CLNK: variants seen among roughly 807,000 people sequenced by gnomAD.
The protein encoded by CLNK is cytokine-dependent hematopoietic cell linker.
Under a neutral mutation model 68.6 loss-of-function variants are expected in CLNK, and 74 were observed. The observed-to-expected ratio is 1.08, with a 90% CI of 0.89 to 1.31. The LOEUF (loss-of-function observed/expected upper bound fraction) is 1.31. CLNK is among the 50% of genes most tolerant of loss of function. The pLI is 0.00. For missense variants in CLNK, 553 were observed against 515.3 expected, an observed-to-expected ratio of 1.07 and a Z score of -0.71; for synonymous variants, 198 against 172.2, an observed-to-expected ratio of 1.15 and a Z score of -1.17.
chr4:10,613,673 CT>C, intron 2 of CLNK, among the ~76,000 whole-genome samples: 1 of 152,274 alleles, frequency 6.6e-6, no homozygotes, highest in Non-Finnish European at 1.5e-5. Context: ...CAGAGAGACC[CT>C]TTGGGAAGCT....
intron 2 of CLNK, among the ~76,000 whole-genome samples, chr4:10,638,481 A>C (rs749408558): frequency 2.6e-5 from 4 of 152,224 alleles, no homozygotes; most frequent in Non-Finnish European, 4.4e-5. Flanking sequence ...AGGATTGAGG[A>C]GTCTAGGAAC....
the CLNK span, among the ~76,000 whole-genome samples, chr4:10,698,979 G>C: frequency 2.6e-5 from 4 of 152,062 alleles, no homozygotes; most frequent in Non-Finnish European, 5.9e-5. Flanking sequence ...TTCAGACTCA[G>C]ACTTAAAGTT....
chr4:10,612,441 A>T (rs931301400), intron 2 of CLNK, among the ~76,000 whole-genome samples: 26 of 152,308 alleles, frequency 1.7e-4, no homozygotes, highest in African/African-American at 5.3e-4. Context: ...CCTGTTGACA[A>T]CATTTCAGGT....
At chr4:10,577,326 T>C (rs1366244954) in intron 4 of CLNK, among the ~76,000 whole-genome samples, 1 of 152,144 alleles carries the variant, frequency 6.6e-6, no homozygotes, top group Non-Finnish European at 1.5e-5. Context: ...GACTTAAGAA[T>C]ATGTGTTGAA....
chr4:10,556,461 A>G (rs1464463984), intron 8 of CLNK, among the ~76,000 whole-genome samples: 1 of 152,232 alleles, frequency 6.6e-6, no homozygotes, highest in Non-Finnish European at 1.5e-5. Context: ...AAACATACAG[A>G]TAGAGAGGTA....
chr4:10,607,423 C>A (rs1478009260), intron 2 of CLNK, among the ~76,000 whole-genome samples: 1 of 152,178 alleles, frequency 6.6e-6, no homozygotes, highest in South Asian at 2.1e-4. Flanking sequence ...GAACGCATGC[C>A]TTGCTATCTT....
At chr4:10,692,879 T>C in the CLNK span, among the ~76,000 whole-genome samples, 1 of 152,248 alleles carries the variant, frequency 6.6e-6, no homozygotes, top group African/African-American at 2.4e-5. Context: ...TTAAACAGAC[T>C]TCCCAATTTA....
intron 2 of CLNK, among the ~76,000 whole-genome samples, chr4:10,653,684 A>G (rs1723844996): frequency 6.6e-6 from 1 of 152,194 alleles, no homozygotes; most frequent in African/African-American, 2.4e-5. Context: ...AGACAGAAGG[A>G]AATAATAAAA....
At position 10,557,984 on chromosome 4, in the gene CLNK, C is replaced by G. The variant is rs16869829; in HGVS notation, c.445+423G>C. Among the ~76,000 whole-genome samples, 913 of 152,242 alleles carry G rather than the reference C, an allele frequency of 6.0e-3. 18 individuals are homozygous for G. The highest frequency in any genetic ancestry group is 0.056 in the East Asian group (292 of 5,170). ...TGATTATTTGCTTTTAGGCTCGTACCTGTATTTTCGTCTTCAAATTGAGTT... is the reference window on the plus strand; with the variant it reads ...TGATTATTTGCTTTTAGGCTCGTACGTGTATTTTCGTCTTCAAATTGAGTT... On this transcript the variant is annotated intron_variant, in intron 8 of 18. Transcript: ENST00000226951.
chr4:10,726,863 G>T, the CLNK span, among the ~76,000 whole-genome samples: 3 of 152,146 alleles, frequency 2.0e-5, no homozygotes, highest in Admixed American at 2.0e-4. Flanking sequence ...TAGCAGGAAG[G>T]TTAGAGATCA....
chr4:10,492,709 G>A (rs1254616614), intron 18 of CLNK, among the ~76,000 whole-genome samples: 2 of 152,184 alleles, frequency 1.3e-5, no homozygotes, highest in South Asian at 4.1e-4. Context: ...CGTCATGTGG[G>A]ATGGGGGGAG....
intron 17 of CLNK, among the ~76,000 whole-genome samples, chr4:10,503,101 T>C (rs1717122387): frequency 6.6e-6 from 1 of 152,226 alleles, no homozygotes; most frequent in Non-Finnish European, 1.5e-5. Context: ...GTTATTTATA[T>C]AATGAAAAAC....
chr4:10,600,941 T>C (rs1398124239), intron 2 of CLNK, among the ~76,000 whole-genome samples: 1 of 152,218 alleles, frequency 6.6e-6, no homozygotes, highest in African/African-American at 2.4e-5. Context: ...TTTCTTAACT[T>C]CTTCCTGGGT....
At chr4:10,508,884 G>A (rs936027592) in intron 16 of CLNK, among the ~76,000 whole-genome samples, 15 of 152,040 alleles carry the variant, frequency 9.9e-5, no homozygotes, top group Non-Finnish European at 1.9e-4. Context: ...CAAGGCGGGC[G>A]GATCACAAGG....
chr4:10,559,210 G>T (rs188109010), intron 7 of CLNK, among the ~76,000 whole-genome samples: 9 of 152,282 alleles, frequency 5.9e-5, no homozygotes, highest in African/African-American at 2.2e-4. Context: ...TAATATTAGG[G>T]TCTTAGTATT....
chr4:10,620,287 T>C (rs1722386802), intron 2 of CLNK, among the ~76,000 whole-genome samples: 1 of 152,204 alleles, frequency 6.6e-6, no homozygotes, highest in African/African-American at 2.4e-5. Context: ...ACCATTTTAC[T>C]AGGAGGCTGT....
chr4:10,720,405 A>T, the CLNK span, among the ~76,000 whole-genome samples: 1 of 152,090 alleles, frequency 6.6e-6, no homozygotes, highest in Non-Finnish European at 1.5e-5. Context: ...CGATGAAAAA[A>T]ATTAAATTAG....
the CLNK span, among the ~76,000 whole-genome samples, chr4:10,699,494 C>CTCTCTCTCTCTATATA: frequency 1.4e-4 from 8 of 56,962 alleles, no homozygotes; most frequent in African/African-American, 5.4e-4. Context: ...CTCTCTCTCT[C>CTCTCTCTCTCTATATA]TATATATATA....
chr4:10,694,834 C>T, the CLNK span, among the ~76,000 whole-genome samples: 1 of 152,234 alleles, frequency 6.6e-6, no homozygotes, highest in African/African-American at 2.4e-5. Flanking sequence ...GCTTATTTCA[C>T]TTAGCCTTAT....
Sources: allele counts gnomAD v4.1 joint callset (sites outside exome capture counted in the v4.1 genomes callset), GRCh38; gene constraint gnomAD v4.1.1; transcripts MANE v1.5; gene names NCBI Gene and HGNC (gene_info 2026-07-23, HGNC 2026-07-21).